Variants in RBFOX1 observed in about 807,000 individuals in gnomAD.
RBFOX1 encodes the protein RNA binding fox-1 homolog 1, also known as RNA binding protein fox-1 homolog 1.
In RBFOX1, 8 loss-of-function variants were observed where a neutral mutation model predicts 57.7. The observed-to-expected ratio is 0.14, with a 90% CI of 0.08 to 0.25. The LOEUF is 0.25. Ranked by LOEUF, RBFOX1 falls within the 10% of genes least tolerant of loss-of-function variation. The probability of loss-of-function intolerance (pLI) is 1.00; values close to 1 mark genes in which losing one functional copy is unlikely to be tolerated. For missense variants in RBFOX1, 611 were observed against 548.5 expected (o/e 1.11, Z -1.14); for synonymous variants, 326 against 222.4 (o/e 1.47, Z -4.15).
chr16:7,076,969 T>G (rs1179166019), intron 4 of RBFOX1, among the ~76,000 whole-genome samples: 6 of 152,242 alleles, frequency 3.9e-5, no homozygotes, highest in Non-Finnish European at 8.8e-5. Flanking sequence ...AGCTTGGAAA[T>G]GTGCAGTGTT....
At chr16:6,650,166 A>G (rs1041783586) in intron 2 of RBFOX1, among the ~76,000 whole-genome samples, 2 of 152,220 alleles carry the variant, frequency 1.3e-5, no homozygotes, top group Non-Finnish European at 2.9e-5. Context: ...TAATAACTGT[A>G]AGAATATGCC....
chr16:6,852,855 C>T (rs1405259217), intron 3 of RBFOX1, among the ~76,000 whole-genome samples: 1 of 151,138 alleles, frequency 6.6e-6, no homozygotes, highest in African/African-American at 2.4e-5. Context: ...ATGCTGGGAA[C>T]TGCTGTCCAG....
chr16:5,894,432 C>A (rs1164071438), intron 4 of RBFOX1, among the ~76,000 whole-genome samples: 1 of 151,990 alleles, frequency 6.6e-6, no homozygotes, highest in Admixed American at 6.5e-5. Context: ...TACCACTACA[C>A]CTGGCTAATT....
intron 3 of RBFOX1, among the ~76,000 whole-genome samples, chr16:5,663,499 C>T (rs2049726287): frequency 6.6e-6 from 1 of 152,136 alleles, no homozygotes. Flanking sequence ...GCTACCACAC[C>T]TGGCTGAAAA....
At chr16:7,556,185 G>C (rs2088392876) in intron 5 of RBFOX1, among the ~76,000 whole-genome samples, 1 of 152,082 alleles carries the variant, frequency 6.6e-6, no homozygotes, top group South Asian at 2.1e-4. Flanking sequence ...CCATTTATAA[G>C]GCCCTGAGAA....
intron 2 of RBFOX1, among the ~76,000 whole-genome samples, chr16:6,531,303 A>G (rs956644987): frequency 6.6e-6 from 1 of 152,128 alleles, no homozygotes; most frequent in African/African-American, 2.4e-5. Flanking sequence ...TTGTTGCAGG[A>G]GCCTCTGGTA....
At chr16:7,070,864 A>T (rs1426125896) in intron 4 of RBFOX1, among the ~76,000 whole-genome samples, 1 of 152,200 alleles carries the variant, frequency 6.6e-6, no homozygotes, top group African/African-American at 2.4e-5. Flanking sequence ...ACCAAGGGTG[A>T]CAAAACCAGC....
intron 1 of RBFOX1, among the ~76,000 whole-genome samples, chr16:6,073,746 T>A (rs1412651432): frequency 6.6e-6 from 1 of 152,184 alleles, no homozygotes; most frequent in Non-Finnish European, 1.5e-5. Context: ...ACTAATTATT[T>A]TTAAATTGCT....
chr16:6,293,915 A>G (rs2077768077), intron 1 of RBFOX1, among the ~76,000 whole-genome samples: 1 of 152,004 alleles, frequency 6.6e-6, no homozygotes, highest in African/African-American at 2.4e-5. Flanking sequence ...GTGGAAATAG[A>G]CGAATTGCAG....
chr16:6,894,387 C>G (rs1475169649), intron 3 of RBFOX1, among the ~76,000 whole-genome samples: 4 of 152,180 alleles, frequency 2.6e-5, no homozygotes, highest in Admixed American at 6.5e-5. Flanking sequence ...GAAGTTTTCT[C>G]TTTTGTTCCA....
chr16:7,589,723 G>C (rs943107362), intron 7 of RBFOX1, among the ~76,000 whole-genome samples: 1 of 151,974 alleles, frequency 6.6e-6, no homozygotes, highest in Non-Finnish European at 1.5e-5. Context: ...GCCTTATTTA[G>C]AGGAGCATTT....
intron 3 of RBFOX1, among the ~76,000 whole-genome samples, chr16:6,701,409 T>C (rs183131832): frequency 6.6e-6 from 1 of 152,348 alleles, no homozygotes; most frequent in East Asian, 1.9e-4. Flanking sequence ...TCTGCATTAG[T>C]CTGTTTTACA....
intron 4 of RBFOX1, among the ~76,000 whole-genome samples, chr16:7,503,519 T>C (rs1639321794): frequency 6.6e-6 from 1 of 152,176 alleles, no homozygotes; most frequent in South Asian, 2.1e-4. Context: ...GTGGATTTGG[T>C]TAAATGTAGT....
At chr16:5,537,885 A>G (rs141077823) in intron 2 of RBFOX1, among the ~76,000 whole-genome samples, 28 of 152,348 alleles carry the variant, frequency 1.8e-4, no homozygotes, top group African/African-American at 6.7e-4. Flanking sequence ...ATGTTCACAG[A>G]TTCTGGAAAT....
At chr16:6,628,059 G>A (rs1027640978) in intron 2 of RBFOX1, among the ~76,000 whole-genome samples, 2 of 152,172 alleles carry the variant, frequency 1.3e-5, no homozygotes, top group African/African-American at 4.8e-5. Flanking sequence ...GAGCGTGAAT[G>A]TCCATGAGCC....
At chr16:6,789,026 A>G (rs746715175) in intron 3 of RBFOX1, among the ~76,000 whole-genome samples, 22 of 152,076 alleles carry the variant, frequency 1.4e-4, no homozygotes, top group Non-Finnish European at 2.8e-4. Context: ...CAGTCTGAAG[A>G]TGGTTCTCCT....
intron 3 of RBFOX1, among the ~76,000 whole-genome samples, chr16:6,898,728 T>C (rs1201529494): frequency 6.6e-6 from 1 of 152,148 alleles, no homozygotes; most frequent in Non-Finnish European, 1.5e-5. Flanking sequence ...TGTATGTGTA[T>C]GATACATGTG....
Position 7,575,961 on chromosome 16 carries a change from T to A in RBFOX1, c.271-3816T>A, listed in dbSNP as rs999661998. Among the ~76,000 whole-genome samples the A allele has an allele frequency of 3.3e-5, 5 of 152,152 alleles. No individual in the cohort carries two copies. In the South Asian group the frequency reaches 1.0e-3, roughly 32 times the overall value. On this transcript the variant is annotated intron_variant, in intron 5 of 15. Coordinates refer to ENST00000550418, the MANE Select transcript of RBFOX1 (RefSeq NM_018723.4). ...TTTTGTTTTTGTTTTAGAGGCAGAG[T>A]CTTGCTCCATTGCCCAGGCTGGAGT...
intron 2 of RBFOX1, among the ~76,000 whole-genome samples, chr16:6,456,099 A>G (rs996297878): frequency 6.6e-6 from 1 of 152,226 alleles, no homozygotes; most frequent in African/African-American, 2.4e-5. Flanking sequence ...TCTTCTTTCA[A>G]CAATAATTTA....
Sources: gnomAD v4.1 joint callset for allele counts (sites outside exome capture counted in the v4.1 genomes callset) on GRCh38, gnomAD v4.1.1 for gene constraint, MANE v1.5 for transcripts, NCBI Gene and HGNC (gene_info 2026-07-23, HGNC 2026-07-21) for gene names.